The following NARS2 variants were observed in gnomAD, a reference collection of about 807,000 sequenced individuals.
NARS2 encodes the protein asparaginyl-tRNA synthetase 2, mitochondrial.
NARS2 carries 60 observed loss-of-function variants against 62.9 expected under a neutral mutation model. The observed-to-expected ratio is 0.95, with a 90% CI of 0.77 to 1.18. The LOEUF is 1.18. Ranked by LOEUF, NARS2 falls within the 50% of genes most tolerant of loss-of-function variation. The pLI, the probability that NARS2 is intolerant of heterozygous loss-of-function variation, is 0.00. For missense variants in NARS2, 619 were observed against 576.4 expected (o/e 1.07, Z -0.76); for synonymous variants, 196 against 200.0 (o/e 0.98, Z 0.17).
At chr11:78,456,408 C>G (rs952477103) in intron 11 of NARS2, among the ~76,000 whole-genome samples, 2 of 152,154 alleles carry the variant, frequency 1.3e-5, no homozygotes, top group Non-Finnish European at 2.9e-5. Context: ...TGGATACTTT[C>G]AATTTTGACA....
At chr11:78,482,607 T>C (rs1412362251) in intron 7 of NARS2, among the ~76,000 whole-genome samples, 2 of 152,078 alleles carry the variant, frequency 1.3e-5, no homozygotes, top group Non-Finnish European at 2.9e-5. Context: ...GAGAAAAGCA[T>C]AAACACCTCT....
intron 11 of NARS2, among the ~76,000 whole-genome samples, chr11:78,462,281 A>T (rs1195486991): frequency 2.0e-5 from 3 of 152,222 alleles, no homozygotes; most frequent in Non-Finnish European, 2.9e-5. Context: ...TAGGCTCAAT[A>T]CTAAATTATG....
intron 11 of NARS2, among the ~76,000 whole-genome samples, chr11:78,462,952 A>G (rs988425898): frequency 6.6e-6 from 1 of 152,222 alleles, no homozygotes; most frequent in Non-Finnish European, 1.5e-5. Context: ...TTTGAAATCA[A>G]TATAATCTGT....
chr11:78,436,776 C>T lies in NARS2; in HGVS notation c.1328G>A (p.Gly443Glu), dbSNP rs1857422479. 6.2e-7 allele frequency: 1 copy of T among 1,614,076 alleles called. No individual in the cohort carries two copies. Among genetic ancestry groups the T allele is most frequent in the Admixed American group, 1.7e-5 (1 of 60,002 alleles). Reference protein sequence around the residue: ...DLRRFGSVPHGGFGMGFERYL... With the variant: ...DLRRFGSVPHEGFGMGFERYL... ...GCGTTCAAATCCCATCCCAAAACCT[C>T]CATGTGGCACAGATCCAAATCGACG... Residue 443 changes from glycine to glutamate, a missense_variant, in exon 14 of 14, where the codon GGA (glycine) becomes GAA (glutamate). Physicochemically the swap from Gly to Glu is moderately conservative, Grantham distance 98. Transcript: ENST00000281038.
intron 6 of NARS2, among the ~76,000 whole-genome samples, chr11:78,525,745 G>C (rs1861272805): frequency 1.3e-5 from 2 of 151,954 alleles, no homozygotes; most frequent in Non-Finnish European, 2.9e-5. Context: ...AGTAAGAAAA[G>C]GGAAAAAATA....
chr11:78,543,624 G>A (rs952397538), intron 5 of NARS2, among the ~76,000 whole-genome samples: 22 of 152,074 alleles, frequency 1.4e-4, no homozygotes, highest in Non-Finnish European at 2.9e-4. Context: ...TAGCAGAGGT[G>A]AACTATTCAA....
chr11:78,502,093 C>T (rs1425887296), intron 6 of NARS2, among the ~76,000 whole-genome samples: 1 of 152,132 alleles, frequency 6.6e-6, no homozygotes. Context: ...TATATGATTT[C>T]CTGTATATGA....
At chr11:78,548,990 T>G (rs1040922798) in intron 5 of NARS2, among the ~76,000 whole-genome samples, 3 of 152,116 alleles carry the variant, frequency 2.0e-5, no homozygotes, top group African/African-American at 7.2e-5. Flanking sequence ...ACCCCCCAAT[T>G]AGAGCCAAGA....
chr11:78,515,068 C>T (rs931965996), intron 6 of NARS2, among the ~76,000 whole-genome samples: 2 of 152,100 alleles, frequency 1.3e-5, no homozygotes, highest in African/African-American at 4.8e-5. Flanking sequence ...TGAGTGATGA[C>T]CAATATGGCA....
rs147711742 is a variant in NARS2 at position 78,564,326 on chromosome 11, G to C, written c.513+1806C>G. Reference sequence around the variant, plus strand: ...TCCTCCTGCCTCAGCTTCCTGAGTAGGTGGGACTATAGGCACATGCCACCA... The same window carrying C: ...TCCTCCTGCCTCAGCTTCCTGAGTACGTGGGACTATAGGCACATGCCACCA... On this transcript the variant is annotated intron_variant, in intron 4 of 13. Coordinates refer to ENST00000281038, the MANE Select transcript of NARS2 (RefSeq NM_024678.6). 8.4e-3 allele frequency among the ~76,000 whole-genome samples: 1,274 copies of C among 152,182 alleles called. 15 individuals carry two copies. Among genetic ancestry groups the C allele is most frequent in the African/African-American group, 0.029 (1,195 of 41,514 alleles).
At position 78,493,058 on chromosome 11, in the gene NARS2, C is replaced by T; in HGVS notation, c.822+5G>A. The T allele has an allele frequency of 1.2e-6, 2 of 1,605,160 alleles. No individual in the cohort carries two copies. Among genetic ancestry groups the T allele is most frequent in the Non-Finnish European group, 1.7e-6 (2 of 1,177,030 alleles). On this transcript the variant is annotated splice_donor_5th_base_variant and intron_variant, in intron 7 of 13. Coordinates refer to ENST00000281038, the MANE Select transcript of NARS2 (RefSeq NM_024678.6). ...TACCTGGTATTTTAAAACTTGTGTA[C>T]CTACCTGCATAAGATCTTGAAGGCT...
Position 78,539,145 on chromosome 11 carries a change from G to T in NARS2, c.595-10209C>A, listed in dbSNP as rs528337478. Among the ~76,000 whole-genome samples, 5 of 151,850 alleles carry T rather than the reference G, an allele frequency of 3.3e-5. No homozygotes were observed. In the South Asian group the frequency reaches 1.0e-3, roughly 32 times the overall value. ...CACTGAAATGTAAGCATGGGGTTGT[G>T]GCATGATGAGTTAAAAAATTCTTCT... On this transcript the variant is annotated intron_variant, in intron 5 of 13. Transcript: ENST00000281038.
At chr11:78,523,718 A>G (rs1257632196) in intron 6 of NARS2, among the ~76,000 whole-genome samples, 1 of 152,190 alleles carries the variant, frequency 6.6e-6, no homozygotes, top group Admixed American at 6.5e-5. Context: ...ACAAAATACA[A>G]TTTACTGTGT....
rs562918242 is a variant in NARS2 at position 78,472,427 on chromosome 11, C to T, written c.960-3114G>A. 5.0e-4 allele frequency among the ~76,000 whole-genome samples: 76 copies of T among 152,180 alleles called. 1 individual carries two copies. The highest frequency in any genetic ancestry group is 1.6e-3 in the African/African-American group (68 of 41,512). Reference sequence around the variant, plus strand: ...TACAAAGATAATTATTGTCATCCTTCGCCTCAAATTCACACACAAAGATAA... The same window carrying T: ...TACAAAGATAATTATTGTCATCCTTTGCCTCAAATTCACACACAAAGATAA... On this transcript the variant is annotated intron_variant, in intron 9 of 13. Transcript: ENST00000281038.
At chr11:78,500,201 G>T (rs1205658127) in intron 6 of NARS2, among the ~76,000 whole-genome samples, 1 of 152,144 alleles carries the variant, frequency 6.6e-6, no homozygotes, top group Non-Finnish European at 1.5e-5. Flanking sequence ...TTATGGTACT[G>T]ATTAAGAACA....
At chr11:78,464,319 G>A (rs1370193563) in intron 11 of NARS2, among the ~76,000 whole-genome samples, 1 of 152,178 alleles carries the variant, frequency 6.6e-6, no homozygotes, top group African/African-American at 2.4e-5. Context: ...ATTGCAAAGA[G>A]CGAAAGAACA....
intron 11 of NARS2, among the ~76,000 whole-genome samples, chr11:78,461,654 T>C (rs1203753116): frequency 6.7e-6 from 1 of 148,686 alleles, no homozygotes; most frequent in East Asian, 1.9e-4. Flanking sequence ...CCTAAAGTTG[T>C]TCAGTTTTGT....
At chr11:78,466,296 A>G (rs1858618781) in intron 10 of NARS2, among the ~76,000 whole-genome samples, 1 of 144,476 alleles carries the variant, frequency 6.9e-6, no homozygotes, top group Non-Finnish European at 1.5e-5. Flanking sequence ...CAGACAATAC[A>G]GCACCTGCAG....
At chr11:78,536,535 T>C (rs1050876435) in intron 5 of NARS2, among the ~76,000 whole-genome samples, 2 of 152,112 alleles carry the variant, frequency 1.3e-5, no homozygotes, top group African/African-American at 4.8e-5. Flanking sequence ...TTAACAAAAA[T>C]GTATAAACAG....
Sources: gnomAD v4.1 joint callset for allele counts (sites outside exome capture counted in the v4.1 genomes callset) on GRCh38, gnomAD v4.1.1 for gene constraint, MANE v1.5 for transcripts, NCBI Gene and HGNC (gene_info 2026-07-23, HGNC 2026-07-21) for gene names.